CEP128: variants seen among roughly 807,000 people sequenced by gnomAD.
The protein encoded by CEP128 is centrosomal protein 128.
CEP128 carries 132 observed loss-of-function variants against 156.7 expected under a neutral mutation model. The observed-to-expected ratio is 0.84, with a 90% confidence interval of 0.73 to 0.97. The LOEUF is 0.97. Ranked by LOEUF, CEP128 falls within the 50% of genes least tolerant of loss-of-function variation. The pLI is 0.00. For synonymous variants in CEP128, 469 were observed against 448.9 expected, an observed-to-expected ratio of 1.04 and a Z score of -0.57; for missense variants, 1,252 against 1,281.9, an observed-to-expected ratio of 0.98 and a Z score of 0.36.
intron 13 of CEP128, among the ~76,000 whole-genome samples, chr14:80,805,182 T>C (rs1435192869): frequency 6.6e-6 from 1 of 152,010 alleles, no homozygotes; most frequent in Non-Finnish European, 1.5e-5. Flanking sequence ...AGATTTAACC[T>C]AGATAAATCT....
At chr14:80,818,602 T>C (rs2139984778) in intron 13 of CEP128, among the ~76,000 whole-genome samples, 1 of 152,314 alleles carries the variant, frequency 6.6e-6, no homozygotes, top group East Asian at 1.9e-4. Flanking sequence ...CAACTAACAG[T>C]CTTAATGATG....
At chr14:80,671,920 T>A in intron 19 of CEP128, among the ~76,000 whole-genome samples, 1 of 152,122 alleles carries the variant, frequency 6.6e-6, no homozygotes, top group South Asian at 2.1e-4. Flanking sequence ...GGGTAGAATT[T>A]TATGTCTTCA....
rs559233759 is a variant in CEP128 at position 80,552,962 on chromosome 14, C to CT, written c.2880+6316dup. 8.9e-3 allele frequency among the ~76,000 whole-genome samples: 1,346 copies of CT among 151,738 alleles called. 27 individuals carry two copies. The highest frequency in any genetic ancestry group is 0.027 in the African/African-American group (1,119 of 41,374). ...TCCATTATTCCAATGCCTTGTTTGC[C>CT]TTTTTTTTCTCTTCAGAAATCTCCT... On this transcript the variant is annotated intron_variant, in intron 21 of 24. Coordinates refer to ENST00000555265, the MANE Select transcript of CEP128 (RefSeq NM_152446.5).
chr14:80,876,916 G>A (rs897238650), intron 8 of CEP128, among the ~76,000 whole-genome samples: 1 of 152,138 alleles, frequency 6.6e-6, no homozygotes, highest in African/African-American at 2.4e-5. Context: ...AGAAAGGACT[G>A]AAGAACAAAA....
intron 13 of CEP128, among the ~76,000 whole-genome samples, chr14:80,812,818 C>T (rs567695070): frequency 6.6e-6 from 1 of 152,342 alleles, no homozygotes; most frequent in African/African-American, 2.4e-5. Flanking sequence ...CAACCTCAGC[C>T]TCCCAAAGTG....
At chr14:80,535,802 A>G (rs1354495200) in intron 21 of CEP128, among the ~76,000 whole-genome samples, 1 of 152,254 alleles carries the variant, frequency 6.6e-6, no homozygotes. Context: ...AGACAAAGGT[A>G]GACTTACCAT....
intron 20 of CEP128, among the ~76,000 whole-genome samples, chr14:80,576,336 T>C (rs1456861071): frequency 1.3e-5 from 2 of 152,200 alleles, no homozygotes; most frequent in Non-Finnish European, 2.9e-5. Context: ...AAAACTCTGA[T>C]ACTGCACTAC....
intron 9 of CEP128, among the ~76,000 whole-genome samples, chr14:80,855,809 G>C (rs974626292): frequency 3.3e-5 from 5 of 152,088 alleles, no homozygotes; most frequent in African/African-American, 1.2e-4. Context: ...TGTGATACTC[G>C]AAATATCACA....
At chr14:80,506,778 G>A (rs1456871770) in intron 23 of CEP128, among the ~76,000 whole-genome samples, 1 of 152,094 alleles carries the variant, frequency 6.6e-6, no homozygotes, top group Non-Finnish European at 1.5e-5. Context: ...CATATATTTT[G>A]AGCCAAAGGC....
chr14:80,532,272 C>T (rs1176665058), intron 21 of CEP128, among the ~76,000 whole-genome samples: 1 of 152,058 alleles, frequency 6.6e-6, no homozygotes, highest in Non-Finnish European at 1.5e-5. Context: ...CAGCTCACTG[C>T]AGTCTCAACC....
At chr14:80,622,739 CAA>C (rs1893537519) in intron 19 of CEP128, among the ~76,000 whole-genome samples, 1 of 150,732 alleles carries the variant, frequency 6.6e-6, no homozygotes, top group Non-Finnish European at 1.5e-5. Context: ...CAGAGAAATG[CAA>C]ATCAAAACCA....
chr14:80,551,546 C>A (rs911886716), intron 21 of CEP128, among the ~76,000 whole-genome samples: 1 of 152,158 alleles, frequency 6.6e-6, no homozygotes, highest in Admixed American at 6.5e-5. Context: ...TAATGTGTGT[C>A]CCTGTGAAAA....
intron 9 of CEP128, among the ~76,000 whole-genome samples, chr14:80,853,459 C>T (rs929190138): frequency 6.6e-6 from 1 of 151,074 alleles, no homozygotes; most frequent in African/African-American, 2.4e-5. Context: ...ATATAAGAAC[C>T]ATATATGAAG....
chr14:80,936,849 C>A (rs1220467354), intron 2 of CEP128, among the ~76,000 whole-genome samples: 1 of 151,892 alleles, frequency 6.6e-6, no homozygotes, highest in Admixed American at 6.6e-5. Flanking sequence ...CTGTTTTATA[C>A]AGATGAAAAA....
At chr14:80,838,740 T>C (rs1479413500) in intron 10 of CEP128, among the ~76,000 whole-genome samples, 1 of 152,200 alleles carries the variant, frequency 6.6e-6, no homozygotes, top group South Asian at 2.1e-4. Flanking sequence ...AAGTTTCATC[T>C]AATTGGTGAT....
intron 15 of CEP128, among the ~76,000 whole-genome samples, chr14:80,778,942 T>C (rs768463592): frequency 6.6e-6 from 1 of 152,116 alleles, no homozygotes; most frequent in East Asian, 1.9e-4. Context: ...CCAATAATAA[T>C]GAGAAATAAA....
At chr14:80,487,247 T>G (rs945953067), downstream of CEP128, among the ~76,000 whole-genome samples, 1 of 152,086 alleles carries the variant, frequency 6.6e-6, no homozygotes, top group South Asian at 2.1e-4. Context: ...TAAAACAGAC[T>G]TTAAACCAAT....
In CEP128 at chr14:80,496,725, T is replaced by C. The variant is rs1333884446; in HGVS notation, c.*754A>G. ...TCATGGACAAAGGAGTTTGGTGCTATGATTTTAGTCACAGTAAACCAAAGA... is the reference window on the plus strand; with the variant it reads ...TCATGGACAAAGGAGTTTGGTGCTACGATTTTAGTCACAGTAAACCAAAGA... On this transcript the variant is annotated 3_prime_UTR_variant, in exon 25 of 25. Coordinates refer to ENST00000555265, the MANE Select transcript of CEP128 (RefSeq NM_152446.5). The C allele has an allele frequency of 6.6e-6, 1 of 152,150 alleles. No homozygotes were observed. The highest frequency in any genetic ancestry group is 6.6e-5 in the Admixed American group (1 of 15,266). 9.4% of individuals were successfully genotyped at this position (152,150 alleles called of 1,614,324 possible).
chr14:80,505,216 T>C (rs995155194), intron 23 of CEP128, among the ~76,000 whole-genome samples, 196 bp from the exon 24 acceptor site: 25 of 152,212 alleles, frequency 1.6e-4, no homozygotes, highest in Admixed American at 1.4e-3. Context: ...AAATCACCCA[T>C]TGCTATAGCA....
Sources: allele counts gnomAD v4.1 joint callset (sites outside exome capture counted in the v4.1 genomes callset), GRCh38; gene constraint gnomAD v4.1.1; transcripts MANE v1.5; gene names NCBI Gene and HGNC (gene_info 2026-07-23, HGNC 2026-07-21).